TMC1: variants seen among roughly 807,000 people sequenced by gnomAD.
TMC1 encodes the protein transmembrane channel like 1.
A neutral mutation model predicts 105.8 loss-of-function variants in TMC1; 84 were observed. The ratio of observed to expected loss-of-function variants is 0.79; its 90% confidence interval spans 0.67 to 0.95. The LOEUF (loss-of-function observed/expected upper bound fraction) is 0.95, where lower values mean the gene tolerates loss of function less well. Ranked by LOEUF, TMC1 falls within the 40% of genes least tolerant of loss-of-function variation. The pLI is 0.00. For missense variants in TMC1, 817 were observed against 914.1 expected, an observed-to-expected ratio of 0.89 and a Z score of 1.37; for synonymous variants, 315 against 311.5, an observed-to-expected ratio of 1.01 and a Z score of -0.12.
intron 1 of TMC1, among the ~76,000 whole-genome samples, chr9:72,559,650 G>A (rs1345407033): frequency 6.6e-6 from 1 of 152,102 alleles, no homozygotes; most frequent in Non-Finnish European, 1.5e-5. Context: ...CAAACTTATC[G>A]GATGTGTAGA....
intron 1 of TMC1, among the ~76,000 whole-genome samples, chr9:72,527,944 T>C (rs1482238260): frequency 6.6e-6 from 1 of 152,176 alleles, no homozygotes; most frequent in African/African-American, 2.4e-5. Context: ...CTTTCAGTGT[T>C]CCTGTTTTCT....
intron 8 of TMC1, among the ~76,000 whole-genome samples, chr9:72,725,630 A>T (rs1827109584): frequency 6.6e-6 from 1 of 151,550 alleles, no homozygotes; most frequent in Non-Finnish European, 1.5e-5. Context: ...AGCTGATTAG[A>T]TTGTGCCCAC....
intron 1 of TMC1, among the ~76,000 whole-genome samples, chr9:72,572,461 C>A (rs1422844490): frequency 6.6e-6 from 1 of 152,100 alleles, no homozygotes; most frequent in African/African-American, 2.4e-5. Flanking sequence ...TCCAAACTCT[C>A]TTTATTTTTT....
intron 1 of TMC1, among the ~76,000 whole-genome samples, chr9:72,525,540 A>G (rs1823391456): frequency 6.6e-6 from 1 of 152,232 alleles, no homozygotes; most frequent in African/African-American, 2.4e-5. Flanking sequence ...CCACCCAGAA[A>G]GAAACACAGA....
intron 13 of TMC1, among the ~76,000 whole-genome samples, chr9:72,777,601 C>T (rs550691301): frequency 4.6e-5 from 7 of 152,204 alleles, no homozygotes; most frequent in Admixed American, 6.5e-5. Context: ...AGAAAAGCAA[C>T]GAGGTATGAA....
At chr9:72,636,335 G>A (rs1354388230) in intron 4 of TMC1, among the ~76,000 whole-genome samples, 1 of 152,136 alleles carries the variant, frequency 6.6e-6, no homozygotes, top group Non-Finnish European at 1.5e-5. Flanking sequence ...GCACAGTTTG[G>A]CAGTTGGCAT....
At chr9:72,786,596 A>G (rs1828172014) in intron 13 of TMC1, among the ~76,000 whole-genome samples, 1 of 152,204 alleles carries the variant, frequency 6.6e-6, no homozygotes, top group African/African-American at 2.4e-5. Flanking sequence ...AATGATAGCA[A>G]TCTTAAAAAA....
intron 13 of TMC1, among the ~76,000 whole-genome samples, chr9:72,774,107 G>T (rs1008196258): frequency 6.6e-6 from 1 of 152,130 alleles, no homozygotes. Flanking sequence ...AGCCAGCATG[G>T]TAGGAGTTGA....
chr9:72,695,463 A>G (rs1826532921), intron 7 of TMC1, among the ~76,000 whole-genome samples: 1 of 152,172 alleles, frequency 6.6e-6, no homozygotes, highest in Admixed American at 6.5e-5. Flanking sequence ...AACACCTCTA[A>G]TTAAAGAGAA....
intron 2 of TMC1, among the ~76,000 whole-genome samples, chr9:72,596,047 T>C (rs908280777): frequency 6.6e-6 from 1 of 152,028 alleles, no homozygotes; most frequent in Non-Finnish European, 1.5e-5. Context: ...CGGCTAATTT[T>C]TGTATTTTTA....
chr9:72,623,903 G>A (rs146139855), intron 3 of TMC1, among the ~76,000 whole-genome samples: 70 of 152,240 alleles, frequency 4.6e-4, no homozygotes, highest in African/African-American at 1.6e-3. Context: ...AGTCTATATC[G>A]TAAGGGGCAC....
Position 72,596,564 on chromosome 9 carries a change from CAG to C in TMC1, c.-306+18543_-306+18544del, listed in dbSNP as rs201221878. 4.8e-3 allele frequency among the ~76,000 whole-genome samples: 626 copies of C among 129,514 alleles called. 4 individuals carry two copies. Among genetic ancestry groups the C allele is most frequent in the African/African-American group, 0.016 (557 of 34,262 alleles). The allele number at this position is 129,514 out of a possible 152,430, so 85.0% of individuals were successfully genotyped here. ...TAAAAAAAAAAAAAAAAAAAAAAGA[CAG>C]AAATAGAAAAAGAACAATTGAAAGT... On this transcript the variant is annotated intron_variant, in intron 2 of 23. Transcript: ENST00000297784.
chr9:72,780,424 T>C (rs1588079924), intron 13 of TMC1, among the ~76,000 whole-genome samples: 1 of 152,156 alleles, frequency 6.6e-6, no homozygotes, highest in African/African-American at 2.4e-5. Context: ...TAACCTTAAA[T>C]GTAAACGGGC....
chr9:72,638,559 T>G (rs1825572818), intron 4 of TMC1, among the ~76,000 whole-genome samples: 1 of 152,166 alleles, frequency 6.6e-6, no homozygotes. Context: ...ACCTATTCTG[T>G]ACAAAGGAGC....
chr9:72,556,723 G>A (rs1380362557), intron 1 of TMC1, among the ~76,000 whole-genome samples: 6 of 151,992 alleles, frequency 3.9e-5, no homozygotes, highest in Non-Finnish European at 7.4e-5. Context: ...TCGGGAGGCC[G>A]AAGCAGGAGA....
At chr9:72,541,152 G>A (rs1015647178) in intron 1 of TMC1, among the ~76,000 whole-genome samples, 14 of 152,082 alleles carry the variant, frequency 9.2e-5, no homozygotes, top group African/African-American at 3.4e-4. Context: ...CCACATGGAT[G>A]GTTACCTTTT....
intron 12 of TMC1, among the ~76,000 whole-genome samples, chr9:72,768,316 C>T (rs1006447425): frequency 6.6e-6 from 1 of 151,462 alleles, no homozygotes; most frequent in Non-Finnish European, 1.5e-5. Flanking sequence ...CACACTGGGG[C>T]CTGTTGGGGG....
At chr9:72,687,065 C>T (rs1405278978) in intron 5 of TMC1, among the ~76,000 whole-genome samples, 2 of 152,072 alleles carry the variant, frequency 1.3e-5, no homozygotes, top group Non-Finnish European at 2.9e-5. Flanking sequence ...AATATATAAT[C>T]TTTCCTAAAG....
chr9:72,763,602 A>T (rs1827788212), intron 12 of TMC1, among the ~76,000 whole-genome samples: 1 of 152,176 alleles, frequency 6.6e-6, no homozygotes, highest in African/African-American at 2.4e-5. Context: ...GAAGGGAGAG[A>T]TATTCTCAGC....
Sources: gnomAD v4.1 joint callset for allele counts (sites outside exome capture counted in the v4.1 genomes callset) on GRCh38, gnomAD v4.1.1 for gene constraint, MANE v1.5 for transcripts, NCBI Gene and HGNC (gene_info 2026-07-23, HGNC 2026-07-21) for gene names.